Variants in CAMTA1 observed in about 807,000 individuals in gnomAD.
CAMTA1 encodes calmodulin binding transcription activator 1.
Under a neutral mutation model 170.9 loss-of-function variants are expected in CAMTA1, and 27 were observed. The ratio of observed to expected loss-of-function variants is 0.16; its 90% confidence interval spans 0.12 to 0.22. The LOEUF (loss-of-function observed/expected upper bound fraction) is 0.22, where lower values mean the gene tolerates loss of function less well. Among genes scored for constraint, CAMTA1 ranks in the 10% least tolerant of loss-of-function variants. CAMTA1 has a pLI of 1.00. For synonymous variants in CAMTA1, 833 were observed against 891.5 expected (o/e 0.93, Z 1.17); for missense variants, 1,619 against 2,217.2 (o/e 0.73, Z 5.42).
rs183497016 is a variant in CAMTA1 at position 7,248,878 on chromosome 1, C to T, written c.303-613C>T. Among the ~76,000 whole-genome samples the T allele has an allele frequency of 2.4e-4, 36 of 152,324 alleles. 2 individuals carry two copies. Among genetic ancestry groups the T allele is most frequent in the African/African-American group, 7.7e-4 (32 of 41,574 alleles). ...ACCTGGCAGTATCTGAGACCCCTGA[C>T]AGCTGAAGCCTAAATGGGAAAGAAT... On this transcript the variant is annotated intron_variant, in intron 4 of 22. Transcript: ENST00000303635. This position sits in a 1 kb window ranked among gnomAD's most constrained non-coding sequence, Gnocchi z 4.0.
rs1302211522 is a variant in CAMTA1, at chr1:7,663,668, A to T, written c.1121A>T (p.Asp374Val). 1.2e-6 allele frequency: 2 copies of T among 1,614,146 alleles called. No homozygotes were observed. Among genetic ancestry groups the T allele is most frequent in the South Asian group, 2.2e-5 (2 of 91,076 alleles). The change falls in exon 9 of 23, where the codon GAC becomes GTC. Residue 374 changes from aspartate (D) to valine (V), a missense_variant. Physicochemically the swap from Asp to Val is radical, Grantham distance 152. This residue lies in a region of CAMTA1 where 731 missense variants were observed against 907.6 expected (regional missense o/e 0.81). Transcript: ENST00000303635. ...CTCAACAGCGACCCGGACATGGTGG[A>T]CAGCCCGGTGGTCACAGGTGTGTCC... ...SGLNSDPDMV[D>V]SPVVTGVSGM...
chr1:6,898,846 C>T (rs1370621374), intron 3 of CAMTA1, among the ~76,000 whole-genome samples: 1 of 152,226 alleles, frequency 6.6e-6, no homozygotes, highest in African/African-American at 2.4e-5. Flanking sequence ...TAGCCGACCT[C>T]CAAACAGGTA....
chr1:7,181,032 G>A (rs1003643206), intron 4 of CAMTA1, among the ~76,000 whole-genome samples: 8 of 152,006 alleles, frequency 5.3e-5, no homozygotes, highest in East Asian at 3.9e-4. Flanking sequence ...AACCAATACC[G>A]CAATAAGAAA....
chr1:7,439,843 T>C (rs2092465228), intron 5 of CAMTA1, among the ~76,000 whole-genome samples: 1 of 152,250 alleles, frequency 6.6e-6, no homozygotes, highest in African/African-American at 2.4e-5. Flanking sequence ...TATCTGAGGC[T>C]GTCCAAGGTG....
intron 3 of CAMTA1, among the ~76,000 whole-genome samples, chr1:6,848,275 C>T (rs1659057101): frequency 1.3e-5 from 2 of 152,306 alleles, no homozygotes; most frequent in South Asian, 2.1e-4. Context: ...CAGCCTCCAG[C>T]GTGGCTGAGA....
At chr1:7,650,659 CG>C (rs1384732517) in intron 7 of CAMTA1, among the ~76,000 whole-genome samples, 2 of 152,068 alleles carry the variant, frequency 1.3e-5, no homozygotes, top group East Asian at 3.9e-4. Flanking sequence ...GATAGGTCCC[CG>C]CATGTGCACA....
chr1:6,827,624 A>G (rs549201123), intron 3 of CAMTA1, among the ~76,000 whole-genome samples: 2 of 152,172 alleles, frequency 1.3e-5, no homozygotes, highest in Admixed American at 6.5e-5. Flanking sequence ...CTAGCTGGGA[A>G]TTGGCATTTT....
chr1:7,472,803 A>G (rs1387559277), intron 6 of CAMTA1, among the ~76,000 whole-genome samples: 1 of 152,188 alleles, frequency 6.6e-6, no homozygotes, highest in Non-Finnish European at 1.5e-5. Context: ...CATTGTGGCC[A>G]GAACAGAGCC....
At chr1:7,705,905 G>A (rs2096519042) in intron 11 of CAMTA1, among the ~76,000 whole-genome samples, 1 of 152,220 alleles carries the variant, frequency 6.6e-6, no homozygotes, top group African/African-American at 2.4e-5. Flanking sequence ...AGATGGGCCA[G>A]GATAGATGCT....
chr1:6,849,249 T>G (rs1015480797), intron 3 of CAMTA1, among the ~76,000 whole-genome samples: 2 of 152,194 alleles, frequency 1.3e-5, no homozygotes, highest in African/African-American at 4.8e-5. Flanking sequence ...ATACTGTATT[T>G]TCATTTGTAT....
intron 6 of CAMTA1, among the ~76,000 whole-genome samples, chr1:7,544,209 A>C (rs11120967): frequency 0.29 from 43,754 of 152,110 alleles, 6,574 homozygotes; most frequent in Admixed American, 0.35. Context: ...TGGCGGTGGC[A>C]AGAGAAAAAT....
intron 5 of CAMTA1, among the ~76,000 whole-genome samples, chr1:7,367,892 G>A (rs752476832): frequency 6.6e-6 from 1 of 151,788 alleles, no homozygotes; most frequent in Non-Finnish European, 1.5e-5. Context: ...GGCACTCATG[G>A]TTTCGTTGGG....
chr1:7,494,789 T>C (rs949334189), intron 6 of CAMTA1, among the ~76,000 whole-genome samples: 1 of 151,962 alleles, frequency 6.6e-6, no homozygotes, highest in Non-Finnish European at 1.5e-5. Flanking sequence ...GGGTGACAGA[T>C]TGAGACCCTG....
At chr1:7,018,590 A>G (rs1463706091) in intron 3 of CAMTA1, among the ~76,000 whole-genome samples, 1 of 152,056 alleles carries the variant, frequency 6.6e-6, no homozygotes, top group Non-Finnish European at 1.5e-5. Context: ...ATTATACTAG[A>G]CTAGCAACAA....
At chr1:7,174,438 C>A (rs1268447249) in intron 4 of CAMTA1, among the ~76,000 whole-genome samples, 1 of 152,192 alleles carries the variant, frequency 6.6e-6, no homozygotes, top group East Asian at 1.9e-4. Context: ...TAAAAATACA[C>A]AAGGCCCTTT....
intron 5 of CAMTA1, among the ~76,000 whole-genome samples, chr1:7,377,314 G>T (rs1304774202): frequency 2.0e-5 from 3 of 152,216 alleles, no homozygotes; most frequent in Non-Finnish European, 2.9e-5. Flanking sequence ...CAGTGAAAAG[G>T]CCAGGTGTAG....
chr1:7,738,151 C>G lies in CAMTA1; in HGVS notation c.3851C>G (p.Pro1284Arg). 1 of 1,614,078 alleles carries G rather than the reference C, an allele frequency of 6.2e-7. No individual in the cohort carries two copies. The highest frequency in any genetic ancestry group is 8.5e-7 in the Non-Finnish European group (1 of 1,179,980). ...AGCCCTAGTTCTAAGCAGTCTGTCC[C>G]CGAGACACTCAGCCCCAGTGAAGGA... ...KQSPSSKQSV[P>R]ETLSPSEGVR... Residue 1284 changes from proline (P) to arginine (R), a missense_variant, in exon 16 of 23, where the codon CCC becomes CGC. Transcript: ENST00000303635. The surrounding 1 kb of genome is among the most constrained non-coding windows in gnomAD (Gnocchi z 4.9).
chr1:7,619,790 T>C (rs375906021), intron 6 of CAMTA1, among the ~76,000 whole-genome samples: 202 of 152,058 alleles, frequency 1.3e-3, no homozygotes, highest in African/African-American at 4.7e-3. Flanking sequence ...GCTGGGATTA[T>C]AGGCAAGTGC....
intron 3 of CAMTA1, among the ~76,000 whole-genome samples, chr1:7,037,837 C>CA (rs1156819723): frequency 0.11 from 14,007 of 127,558 alleles, 2,109 homozygotes; most frequent in African/African-American, 0.35. Flanking sequence ...GACTCCATAT[C>CA]AAAAAAAAAA....
Sources: allele counts gnomAD v4.1 joint callset (sites outside exome capture counted in the v4.1 genomes callset), GRCh38; gene constraint gnomAD v4.1.1; regional missense constraint gnomAD v4.1.1; non-coding constraint Gnocchi (gnomAD v3.1); transcripts MANE v1.5; gene names NCBI Gene and HGNC (gene_info 2026-07-23, HGNC 2026-07-21).